The following PCSK5 variants were observed in gnomAD, a reference collection of about 807,000 sequenced individuals.
The protein encoded by PCSK5 is prohormone convertase 5.
A neutral mutation model predicts 233.2 loss-of-function variants in PCSK5; 129 were observed. That is an observed-to-expected ratio of 0.55 (90% CI 0.48 to 0.64). The LOEUF is 0.64. Ranked by LOEUF, PCSK5 falls within the 30% of genes least tolerant of loss-of-function variation. The pLI is 0.00. For missense variants in PCSK5, 2,076 were observed against 2,430.1 expected (o/e 0.85, Z 3.06); for synonymous variants, 825 against 879.2 (o/e 0.94, Z 1.09).
chr9:76,173,961 G>A (rs1019279659), intron 13 of PCSK5, among the ~76,000 whole-genome samples: 11 of 151,160 alleles, frequency 7.3e-5, no homozygotes, highest in African/African-American at 1.7e-4. Flanking sequence ...GTGACAGAAC[G>A]AAATCAAAAA....
intron 9 of PCSK5, among the ~76,000 whole-genome samples, chr9:76,113,428 C>T (rs1832301914): frequency 6.6e-6 from 1 of 152,188 alleles, no homozygotes; most frequent in Non-Finnish European, 1.5e-5. Context: ...ATAAATCTTA[C>T]ATAATTCAGA....
chr9:76,175,408 C>T (rs1257810153), intron 14 of PCSK5: 1 of 439,120 alleles, frequency 2.3e-6, no homozygotes, highest in Non-Finnish European at 4.0e-6. Context: ...TCAGTGCACT[C>T]ATATATTCAA....
intron 20 of PCSK5, among the ~76,000 whole-genome samples, chr9:76,214,292 A>ATT (rs1230182613): frequency 8.5e-6 from 1 of 117,622 alleles, no homozygotes; most frequent in African/African-American, 2.7e-5. Context: ...CCCCACATTC[A>ATT]CTCACACACA....
chr9:76,360,567 T>C lies in PCSK5; in HGVS notation c.*1645T>C, dbSNP rs151013599. Reference sequence around the variant, plus strand: ...GATTTTCTTTTTTTAACATAATGTATCACTGACACAGAAAATCTTTATGAA... The same window carrying C: ...GATTTTCTTTTTTTAACATAATGTACCACTGACACAGAAAATCTTTATGAA... On this transcript the variant is annotated 3_prime_UTR_variant, in exon 38 of 38. Coordinates refer to ENST00000674117, the MANE Select transcript of PCSK5 (RefSeq NM_001372043.1). 69 of 152,324 alleles carry C rather than the reference T, an allele frequency of 4.5e-4. No individual in the cohort carries two copies. Among genetic ancestry groups the C allele is most frequent in the African/African-American group, 1.7e-3 (69 of 41,584 alleles). The allele number at this position is 152,324 out of a possible 1,614,324, so 9.4% of individuals were successfully genotyped here. A position where few individuals can be genotyped will look rare whatever the true frequency, so the allele number is the denominator to read the frequency against.
intron 2 of PCSK5, among the ~76,000 whole-genome samples, chr9:75,981,693 C>T (rs959234533): frequency 6.6e-6 from 1 of 152,076 alleles, no homozygotes; most frequent in African/African-American, 2.4e-5. Flanking sequence ...GCTGGGACTA[C>T]AGGATCATGT....
Position 75,932,481 on chromosome 9 carries a change from A to C in PCSK5, c.295A>C (p.Lys99Gln). ...GTHSFISMEP[K>Q]VEWIQQQVVK... ...CCACAGTTTCATTTCAATGGAACCA[A>C]AGGTAAGAAGAACCAGTTGCGTGGG... Residue 99 changes from lysine to glutamine, a missense_variant and splice_region_variant, in exon 2 of 38, where the codon AAG becomes CAG. Physicochemically the swap from Lys to Gln is moderately conservative, Grantham distance 53 (BLOSUM62 1). Coordinates refer to ENST00000674117, the MANE Select transcript of PCSK5 (RefSeq NM_001372043.1). 6.3e-7 allele frequency: 1 copy of C among 1,584,852 alleles called. No homozygotes were observed.
chr9:75,914,627 C>A (rs1425173720), intron 1 of PCSK5, among the ~76,000 whole-genome samples: 1 of 152,122 alleles, frequency 6.6e-6, no homozygotes, highest in Non-Finnish European at 1.5e-5. Context: ...ATTTAGCAGA[C>A]CTGAGTTCCA....
chr9:76,017,786 A>C (rs1828009244), intron 3 of PCSK5, among the ~76,000 whole-genome samples: 2 of 152,180 alleles, frequency 1.3e-5, no homozygotes, highest in African/African-American at 2.4e-5. Context: ...TTTGAAGTCC[A>C]TCAAATTGAC....
intron 14 of PCSK5, chr9:76,175,506 C>G (rs192749181): frequency 2.9e-6 from 1 of 342,698 alleles, no homozygotes; most frequent in African/African-American, 2.1e-5. Context: ...ACATATTGTT[C>G]GCTTACAGAA....
intron 24 of PCSK5, among the ~76,000 whole-genome samples, chr9:76,271,678 A>G (rs1349281050): frequency 6.6e-6 from 1 of 152,158 alleles, no homozygotes; most frequent in African/African-American, 2.4e-5. Context: ...TCTAAAAAAA[A>G]AAAAATTAAA....
At position 76,017,627 on chromosome 9, in the gene PCSK5, T is replaced by C. The variant is rs532100147; in HGVS notation, c.412-6111T>C. 9.2e-5 allele frequency among the ~76,000 whole-genome samples: 14 copies of C among 152,296 alleles called. No individual in the cohort carries two copies. The South Asian group carries it at 2.9e-3, about 32-fold the overall frequency. On this transcript the variant is annotated intron_variant, in intron 3 of 37. Coordinates refer to ENST00000674117, the MANE Select transcript of PCSK5 (RefSeq NM_001372043.1). Reference sequence around the variant, plus strand: ...TAGCTCACCTCCTTATCTGCTCTGCTGAATTTGGTGTTGAAATGTATTGGG... The same window carrying C: ...TAGCTCACCTCCTTATCTGCTCTGCCGAATTTGGTGTTGAAATGTATTGGG...
intron 1 of PCSK5, among the ~76,000 whole-genome samples, chr9:75,905,912 G>A (rs1055080315): frequency 5.9e-5 from 9 of 152,156 alleles, no homozygotes; most frequent in African/African-American, 2.2e-4. Flanking sequence ...GAAAAGGTTG[G>A]GGACCACTGC....
rs928406948 is a variant in PCSK5 at position 76,303,171 on chromosome 9, T to C, written c.3604+954T>C. Reference sequence around the variant, plus strand: ...TGTACAGATCTCCCTCTGGTGGACATATGAAGACATTACAGAATTTTATTT... The same window carrying C: ...TGTACAGATCTCCCTCTGGTGGACACATGAAGACATTACAGAATTTTATTT... On this transcript the variant is annotated intron_variant, in intron 28 of 37. Coordinates refer to ENST00000674117, the MANE Select transcript of PCSK5 (RefSeq NM_001372043.1). Among the ~76,000 whole-genome samples, 18 of 152,294 alleles carry C rather than the reference T, an allele frequency of 1.2e-4. 1 individual carries two copies. In the South Asian group the frequency reaches 1.2e-3, roughly 11 times the overall value.
chr9:75,978,613 C>G (rs2131377724), intron 2 of PCSK5, among the ~76,000 whole-genome samples: 1 of 152,268 alleles, frequency 6.6e-6, no homozygotes, highest in East Asian at 1.9e-4. Context: ...GTGTAAAGAT[C>G]ACACACAGGA....
At chr9:76,002,932 T>TGA (rs1392273362) in intron 3 of PCSK5, among the ~76,000 whole-genome samples, 1 of 152,222 alleles carries the variant, frequency 6.6e-6, no homozygotes, top group Non-Finnish European at 1.5e-5. Context: ...ACGAAAAAAG[T>TGA]GAGAGCCTTT....
intron 5 of PCSK5, among the ~76,000 whole-genome samples, chr9:76,054,375 C>T (rs1829747105): frequency 6.6e-6 from 1 of 152,190 alleles, no homozygotes. Flanking sequence ...TTCCTTTAAA[C>T]ATGGACCAGC....
In PCSK5 at chr9:76,233,546, G is replaced by T. The variant is rs1826160933; in HGVS notation, c.2816G>T (p.Cys939Phe). The T allele has an allele frequency of 6.2e-7, 1 of 1,612,116 alleles. No individual in the cohort carries two copies. The highest frequency in any genetic ancestry group is 1.3e-5 in the African/African-American group (1 of 75,030). The change falls in exon 22 of 38, where the codon TGC (cysteine) becomes TTC (phenylalanine). Residue 939 changes from cysteine (C) to phenylalanine (F), a missense_variant. Cys to Phe is a radical substitution (Grantham distance 205, BLOSUM62 -2). Transcript: ENST00000674117. ...ENQCHPCHHT[C>F]QRCQGSGPTH... is the part of the protein sequence containing the mutation. ...CAATGCCATCCATGCCACCACACCT[G>T]CCAGAGATGCCAAGGAAGTGGCCCT...
chr9:76,238,742 T>A (rs1178838292), intron 22 of PCSK5, among the ~76,000 whole-genome samples: 3 of 152,206 alleles, frequency 2.0e-5, no homozygotes, highest in African/African-American at 7.2e-5. Flanking sequence ...CACTGAAATA[T>A]ATAAAATATT....
At chr9:75,918,548 A>T (rs747719256) in intron 1 of PCSK5, among the ~76,000 whole-genome samples, 2 of 152,238 alleles carry the variant, frequency 1.3e-5, no homozygotes, top group Non-Finnish European at 2.9e-5. Flanking sequence ...CTTAGGAGAC[A>T]TCAAACTATA....
Sources: allele counts gnomAD v4.1 joint callset (sites outside exome capture counted in the v4.1 genomes callset), GRCh38; gene constraint gnomAD v4.1.1; transcripts MANE v1.5; gene names NCBI Gene and HGNC (gene_info 2026-07-23, HGNC 2026-07-21).